NLN: variants seen among roughly 807,000 people sequenced by gnomAD.
NLN encodes the protein neurolysin.
A neutral mutation model predicts 79.9 loss-of-function variants in NLN; 64 were observed. That is an observed-to-expected ratio of 0.80 (90% CI 0.65 to 0.99). The LOEUF is 0.99. Among genes scored for constraint, NLN ranks in the 50% least tolerant of loss-of-function variants. The pLI is 0.00. For missense variants in NLN, 835 were observed against 858.7 expected, an observed-to-expected ratio of 0.97 and a Z score of 0.34; for synonymous variants, 267 against 296.6, an observed-to-expected ratio of 0.90 and a Z score of 1.02.
chr5:65,781,291 T>C lies in NLN; in HGVS notation c.692T>C (p.Leu231Ser). The change falls in exon 6 of 13, where the codon TTA becomes TCA. Residue 231 changes from leucine to serine, a missense_variant. Physicochemically the swap from Leu to Ser is moderately radical, Grantham distance 145. Transcript: ENST00000380985. ...GALPDDFIDS[L>S]EKTDDDKYKI... The stretch of plus-strand genomic sequence containing the variant: ...CTTCCTGATGATTTCATTGACAGTT[T>C]AGAAAAGACAGATGATGACAAGTAT... 1 of 1,609,284 alleles carries C rather than the reference T, an allele frequency of 6.2e-7. No individual in the cohort carries two copies. Among genetic ancestry groups the C allele is most frequent in the Non-Finnish European group, 8.5e-7 (1 of 1,176,894 alleles).
At chr5:65,723,650 TA>T (rs547258266) in intron 1 of NLN, among the ~76,000 whole-genome samples, 1 of 151,030 alleles carries the variant, frequency 6.6e-6, no homozygotes, top group East Asian at 2.0e-4. Flanking sequence ...CCGTCTCTAC[TA>T]AAAAATACAA....
At chr5:65,772,836 T>G (rs930658176) in intron 3 of NLN, among the ~76,000 whole-genome samples, 1 of 151,866 alleles carries the variant, frequency 6.6e-6, no homozygotes, top group Non-Finnish European at 1.5e-5. Context: ...GCTCAAGTGA[T>G]TCTCCCACCT....
chr5:65,732,117 GCTGA>G (rs1185124044), intron 1 of NLN, among the ~76,000 whole-genome samples: 2 of 152,078 alleles, frequency 1.3e-5, no homozygotes, highest in East Asian at 3.8e-4. Flanking sequence ...TATCATGAGG[GCTGA>G]CTTTTTTAAA....
chr5:65,791,906 AT>A (rs1005557801), intron 8 of NLN, among the ~76,000 whole-genome samples: 2 of 152,194 alleles, frequency 1.3e-5, no homozygotes, highest in African/African-American at 4.8e-5. Context: ...TAATTTATGC[AT>A]TTTCCCAGGC....
At chr5:65,766,127 G>A (rs1288168503) in intron 3 of NLN, among the ~76,000 whole-genome samples, 1 of 152,146 alleles carries the variant, frequency 6.6e-6, no homozygotes, top group East Asian at 1.9e-4. Flanking sequence ...TCTGACATGT[G>A]GTTTCAGGCA....
intron 12 of NLN, chr5:65,818,783 T>C (rs1359578696): frequency 1.3e-5 from 2 of 152,240 alleles, no homozygotes; most frequent in Admixed American, 6.5e-5. Flanking sequence ...TCTGCCCTGA[T>C]GACTGCCGCT....
intron 1 of NLN, among the ~76,000 whole-genome samples, chr5:65,727,347 GT>G (rs1758499121): frequency 2.0e-5 from 3 of 152,110 alleles, no homozygotes; most frequent in South Asian, 4.1e-4. Context: ...TGAAAAAATT[GT>G]TTGTAGAGAT....
chr5:65,752,588 A>C (rs1219263690), intron 1 of NLN, among the ~76,000 whole-genome samples: 1 of 152,196 alleles, frequency 6.6e-6, no homozygotes, highest in East Asian at 1.9e-4. Context: ...TTTCCCACCC[A>C]GGTGCAGTTC....
chr5:65,767,207 T>G (rs985640100), intron 3 of NLN, among the ~76,000 whole-genome samples: 1 of 152,224 alleles, frequency 6.6e-6, no homozygotes, highest in Non-Finnish European at 1.5e-5. Context: ...AGAGGTTCTC[T>G]GTGAGGTCTC....
intron 1 of NLN, among the ~76,000 whole-genome samples, chr5:65,754,418 C>T (rs1404473639): frequency 2.6e-5 from 4 of 152,078 alleles, no homozygotes; most frequent in African/African-American, 7.2e-5. Context: ...CTTCAAAGAA[C>T]GTGAACTATG....
chr5:65,806,426 G>C (rs146686020), intron 9 of NLN, among the ~76,000 whole-genome samples: 64 of 152,326 alleles, frequency 4.2e-4, no homozygotes, highest in African/African-American at 1.5e-3. Flanking sequence ...ACAGAAATTT[G>C]TAAGAAATTG....
At chr5:65,722,581 GCCA>G (rs1294964923) in intron 1 of NLN, among the ~76,000 whole-genome samples, 167 bp downstream of exon 1, 1 of 152,182 alleles carries the variant, frequency 6.6e-6, no homozygotes, top group Non-Finnish European at 1.5e-5. Context: ...ACCTGGCGCG[GCCA>G]CCTGGGGCCA....
Position 65,812,343 on chromosome 5 carries a change from G to T in NLN, c.1932G>T (p.Met644Ile), listed in dbSNP as rs770688417. ...YGYLWSEVFS[M>I]DMFYSCFKKE... ...ATCTTTGGAGTGAAGTATTTTCCAT[G>T]GATATGTTTTACAGCTGTTTTAAAA... Residue 644 changes from methionine (M) to isoleucine (I), a missense_variant, in exon 12 of 13, where the codon ATG becomes ATT. Met to Ile is a conservative substitution (Grantham distance 10). Coordinates refer to ENST00000380985, the MANE Select transcript of NLN (RefSeq NM_020726.5). 6.3e-7 allele frequency: 1 copy of T among 1,576,042 alleles called. No homozygotes were observed. The highest frequency in any genetic ancestry group is 2.2e-5 in the East Asian group (1 of 44,726).
chr5:65,809,373 A>G, intron 9 of NLN, 142 bp from the exon 10 acceptor site: 1 of 643,716 alleles, frequency 1.6e-6, no homozygotes, highest in Non-Finnish European at 2.6e-6. Flanking sequence ...TTTTCACTTG[A>G]CTATGAGGTT....
At chr5:65,742,535 T>C (rs1392380015) in intron 1 of NLN, among the ~76,000 whole-genome samples, 1 of 152,198 alleles carries the variant, frequency 6.6e-6, no homozygotes, top group Non-Finnish European at 1.5e-5. Flanking sequence ...GCGTAGTTCT[T>C]CTCTATACTC....
intron 10 of NLN, among the ~76,000 whole-genome samples, 158 bp downstream of exon 10, chr5:65,809,859 CG>C (rs1554034551): frequency 6.6e-6 from 1 of 152,158 alleles, no homozygotes; most frequent in Non-Finnish European, 1.5e-5. Context: ...TAGGAAACCC[CG>C]GAATTTTGTC....
chr5:65,806,186 G>A (rs1760406663), intron 9 of NLN, among the ~76,000 whole-genome samples: 1 of 152,214 alleles, frequency 6.6e-6, no homozygotes, highest in African/African-American at 2.4e-5. Flanking sequence ...TTGTTTTCAT[G>A]CCTGCTAACA....
intron 1 of NLN, among the ~76,000 whole-genome samples, chr5:65,723,581 G>A (rs1215428760): frequency 6.6e-6 from 1 of 152,098 alleles, no homozygotes; most frequent in African/African-American, 2.4e-5. Context: ...TTGGGAGGCC[G>A]AGGCGGGTGG....
Position 65,785,967 on chromosome 5 carries a change from A to G in NLN, c.958+57A>G, listed in dbSNP as rs1579949805. The G allele has an allele frequency of 2.0e-6, 3 of 1,511,978 alleles. No homozygotes were observed. In the South Asian group the frequency reaches 3.5e-5, roughly 17 times the overall value. The allele number at this position is 1,511,978 out of a possible 1,614,324, so 93.7% of individuals were successfully genotyped here. On this transcript the variant is annotated intron_variant, in intron 7 of 12. Transcript: ENST00000380985. The stretch of plus-strand genomic sequence containing the variant: ...TTGCTATACCATGTCAACCAGACAG[A>G]AGGCCTCAGAACATAATATGCCTTT...
Sources: gnomAD v4.1 joint callset for allele counts (sites outside exome capture counted in the v4.1 genomes callset) on GRCh38, gnomAD v4.1.1 for gene constraint, MANE v1.5 for transcripts, NCBI Gene and HGNC (gene_info 2026-07-23, HGNC 2026-07-21) for gene names.